RBM42: variants seen among roughly 807,000 people sequenced by gnomAD.
RBM42 encodes RNA binding motif protein 42, also known as RNA-binding protein 42.
Under a neutral mutation model 41.4 loss-of-function variants are expected in RBM42, and 21 were observed. That is an observed-to-expected ratio of 0.51 (90% CI 0.36 to 0.73). The LOEUF (loss-of-function observed/expected upper bound fraction) is 0.73. Ranked by LOEUF, RBM42 falls within the 30% of genes least tolerant of loss-of-function variation. The pLI is 0.00. For missense variants in RBM42, 539 were observed against 680.4 expected, an observed-to-expected ratio of 0.79 and a Z score of 2.31; for synonymous variants, 272 against 271.2, an observed-to-expected ratio of 1.00 and a Z score of -0.03.
chr19:35,633,187 C>T lies in RBM42; in HGVS notation c.619C>T (p.Leu207=). The change falls in exon 6 of 10, where the codon CTG becomes TTG. Residue 207 remains leucine (L), a synonymous_variant. Coordinates refer to ENST00000262633, the MANE Select transcript of RBM42 (RefSeq NM_024321.5). The part of the protein sequence containing the change: ...LPGPPGPPMM[L]PPMARAPGPP... ...TGGGCCCCCTGGACCACCCATGATGCTGCCACCAATGGCTCGGGCTCCAGG... is the reference window on the plus strand; with the variant it reads ...TGGGCCCCCTGGACCACCCATGATGTTGCCACCAATGGCTCGGGCTCCAGG... The T allele has an allele frequency of 6.2e-7, 1 of 1,612,332 alleles. No individual in the cohort carries two copies. Among genetic ancestry groups the T allele is most frequent in the Non-Finnish European group, 8.5e-7 (1 of 1,179,034 alleles).
At chr19:35,635,314 C>CAAAAAAA (rs80100096) in intron 8 of RBM42, among the ~76,000 whole-genome samples, 1 of 71,684 alleles carries the variant, frequency 1.4e-5, no homozygotes. Flanking sequence ...GACTCCATCT[C>CAAAAAAA]AAAAAAAAAA....
At chr19:35,629,436 G>A in intron 1 of RBM42, 84 bp from the exon 2 acceptor site, 2 of 1,572,258 alleles carry the variant, frequency 1.3e-6, no homozygotes, top group Admixed American at 3.5e-5. Context: ...GAGGTTGGCA[G>A]GGGTGAGGGT....
In RBM42 at chr19:35,631,313, C is replaced by T. The variant is rs1278753485; in HGVS notation, c.368-18C>T. Reference sequence around the variant, plus strand: ...CAGGACTCTCCTCCCACCATCCTTGCCTCTCCCCTCCCAACAGTTGGCTTT... The same window carrying T: ...CAGGACTCTCCTCCCACCATCCTTGTCTCTCCCCTCCCAACAGTTGGCTTT... On this transcript the variant is annotated intron_variant, in intron 3 of 9. Transcript: ENST00000262633. 6.2e-7 allele frequency: 1 copy of T among 1,614,032 alleles called. No homozygotes were observed. Among genetic ancestry groups the T allele is most frequent in the East Asian group, 2.2e-5 (1 of 44,872 alleles).
At chr19:35,631,757 C>T in intron 4 of RBM42, 3 of 314,896 alleles carry the variant, frequency 9.5e-6, no homozygotes, top group East Asian at 8.3e-5. Flanking sequence ...ACATAGGAAG[C>T]ATTATGTACT....
At chr19:35,632,394 C>T (rs894827909) in intron 4 of RBM42, among the ~76,000 whole-genome samples, 1 of 152,212 alleles carries the variant, frequency 6.6e-6, no homozygotes, top group Non-Finnish European at 1.5e-5. Flanking sequence ...AGCCCCACTA[C>T]TTCTATTACA....
intron 4 of RBM42, 59 bp from the exon 5 acceptor site, chr19:35,632,877 A>C (rs1387355326): frequency 2.6e-6 from 2 of 780,916 alleles, no homozygotes; most frequent in African/African-American, 3.4e-5. Flanking sequence ...GCACACACAC[A>C]CCTTGTCCCA....
Position 35,633,857 on chromosome 19 carries a change from G to T in RBM42, c.855G>T (p.Pro285=). 1 of 1,577,250 alleles carries T rather than the reference G, an allele frequency of 6.3e-7. No individual in the cohort carries two copies. Among genetic ancestry groups the T allele is most frequent in the Non-Finnish European group, 8.6e-7 (1 of 1,165,566 alleles). The stretch of plus-strand genomic sequence containing the variant: ...CTGCAGTCATTGGGCCCAGCCTGCC[G>T]CTGGCCCTGGCCATGCCATTGCCCG... ...AGPAVIGPSL[P]LALAMPLPEP... The change falls in exon 7 of 10, where the codon CCG becomes CCT. Residue 285 remains proline, a synonymous_variant. Coordinates refer to ENST00000262633, the MANE Select transcript of RBM42 (RefSeq NM_024321.5).
intron 2 of RBM42, among the ~76,000 whole-genome samples, chr19:35,630,466 G>A (rs1825799217): frequency 6.6e-6 from 1 of 151,606 alleles, no homozygotes. Flanking sequence ...GAGCCTTATG[G>A]CCATTTTAAG....
At chr19:35,629,708 A>C (rs560908111) in intron 2 of RBM42, 35 bp downstream of exon 2, 29 of 1,610,588 alleles carry the variant, frequency 1.8e-5, no homozygotes, top group Non-Finnish European at 2.2e-5. Flanking sequence ...GTCAGGGAAC[A>C]CAATGCCTCG....
In RBM42 at chr19:35,633,886, C is replaced by T; in HGVS notation, c.884C>T (p.Pro295Leu). 6 of 1,595,594 alleles carry T rather than the reference C, an allele frequency of 3.8e-6. No individual in the cohort carries two copies. Among genetic ancestry groups the T allele is most frequent in the Non-Finnish European group, 5.1e-6 (6 of 1,174,996 alleles). The change falls in exon 7 of 10, where the codon CCT becomes CTT. Residue 295 changes from proline to leucine, a missense_variant. Pro to Leu is a moderately conservative substitution (Grantham distance 98). Coordinates refer to ENST00000262633, the MANE Select transcript of RBM42 (RefSeq NM_024321.5). ...PLALAMPLPE[P>L]EPLPLPLEVV... ...GCCCTGGCCATGCCATTGCCCGAGC[C>T]TGAGCCCCTGCCCCTCCCGTTGGAG... is the stretch of plus-strand genomic sequence containing the variant.
chr19:35,630,603 T>G (rs892327821), intron 2 of RBM42, among the ~76,000 whole-genome samples: 42 of 152,038 alleles, frequency 2.8e-4, no homozygotes, highest in African/African-American at 9.7e-4. Context: ...CCGTCTCTAT[T>G]AAAAATACAA....
chr19:35,637,334 G>T lies in RBM42; in HGVS notation c.1312G>T (p.Ala438Ser). 6.2e-7 allele frequency: 1 copy of T among 1,614,210 alleles called. No homozygotes were observed. Among genetic ancestry groups the T allele is most frequent in the Non-Finnish European group, 8.5e-7 (1 of 1,180,044 alleles). Residue 438 changes from alanine (A) to serine (S), a missense_variant, in exon 9 of 10, where the codon GCC becomes TCC. By Grantham distance (99) the Ala-to-Ser change is moderately conservative (BLOSUM62 1). Around this residue, in one of 2 missense-constraint regions of RBM42, gnomAD observed 110 missense variants for 191.5 expected, o/e 0.57. Coordinates refer to ENST00000262633, the MANE Select transcript of RBM42 (RefSeq NM_024321.5). The surrounding 1 kb of genome is among the most constrained non-coding windows in gnomAD (Gnocchi z 7.0). Reference protein sequence around the residue: ...SFKDPSDYVRAMREMNGKYVG... With the variant: ...SFKDPSDYVRSMREMNGKYVG... ...CAAGGACCCCAGCGACTACGTGCGCGCCATGCGTGAGATGAATGGTGGGTG... is the reference window on the plus strand; with the variant it reads ...CAAGGACCCCAGCGACTACGTGCGCTCCATGCGTGAGATGAATGGTGGGTG...
Position 35,629,204 on chromosome 19 carries a change from G to C in RBM42, c.51G>C (p.Val17=). The change falls in exon 1 of 10, where the codon GTG becomes GTC. Residue 17 remains valine, a synonymous_variant. Coordinates refer to ENST00000262633, the MANE Select transcript of RBM42 (RefSeq NM_024321.5). The stretch of plus-strand genomic sequence containing the variant: ...GACTCCCGGGTGCAGGAGGACCCGT[G>C]GTCCCGGGTCCTGGCGCTGGCATCC... ...APGLPGAGGP[V]VPGPGAGIPG... 6.5e-7 allele frequency: 1 copy of C among 1,536,050 alleles called. No individual in the cohort carries two copies. Among genetic ancestry groups the C allele is most frequent in the African/African-American group, 1.4e-5 (1 of 72,690 alleles).
intron 2 of RBM42, 52 bp from the exon 3 acceptor site, chr19:35,631,088 A>G: frequency 6.6e-7 from 1 of 1,515,254 alleles, no homozygotes; most frequent in Non-Finnish European, 9.2e-7. Flanking sequence ...AGCTGGCCGC[A>G]GCAGATGGGA....
intron 8 of RBM42, among the ~76,000 whole-genome samples, chr19:35,635,964 C>T (rs527808850): frequency 2.0e-5 from 3 of 152,192 alleles, no homozygotes; most frequent in Non-Finnish European, 4.4e-5. Flanking sequence ...CTAACTTGTG[C>T]TTAGAGTGTC....
chr19:35,635,889 A>G (rs1258539767), intron 8 of RBM42, among the ~76,000 whole-genome samples: 1 of 152,088 alleles, frequency 6.6e-6, no homozygotes, highest in African/African-American at 2.4e-5. Flanking sequence ...TGAAGTGTCC[A>G]GGGCAGTTGT....
At chr19:35,634,176 G>A in intron 7 of RBM42, 80 bp from the exon 8 acceptor site, 3 of 1,565,088 alleles carry the variant, frequency 1.9e-6, no homozygotes, top group Non-Finnish European at 1.7e-6. Context: ...CCTTACTGTG[G>A]TGGCAGGAGG....
Position 35,637,556 on chromosome 19 carries a change from G to T in RBM42, c.*2G>T, listed in dbSNP as rs1166099106. 5 of 1,613,254 alleles carry T rather than the reference G, an allele frequency of 3.1e-6. No individual in the cohort carries two copies. The highest frequency in any genetic ancestry group is 4.2e-6 in the Non-Finnish European group (5 of 1,179,316). On this transcript the variant is annotated 3_prime_UTR_variant, in exon 10 of 10. Transcript: ENST00000262633. The surrounding 1 kb of genome is among the most constrained non-coding windows in gnomAD (Gnocchi z 7.0). The stretch of plus-strand genomic sequence containing the variant: ...AAGAAGAAGCTGGGCCTGAGATAGG[G>T]TCTGTGGCCAGGCACCCGCTCCCAC...
At chr19:35,631,673 A>C (rs1292199821) in intron 4 of RBM42, 1 of 524,334 alleles carries the variant, frequency 1.9e-6, no homozygotes, top group African/African-American at 1.9e-5. Context: ...ATAATTTCTT[A>C]TTTACTATGG....
Sources: gnomAD v4.1 joint callset for allele counts (sites outside exome capture counted in the v4.1 genomes callset) on GRCh38, gnomAD v4.1.1 for gene constraint, gnomAD v4.1.1 regional missense constraint, Gnocchi (gnomAD v3.1) non-coding constraint, MANE v1.5 for transcripts, NCBI Gene and HGNC (gene_info 2026-07-23, HGNC 2026-07-21) for gene names.